Variants in RBPJ observed in about 807,000 individuals in gnomAD.
RBPJ encodes the protein recombination signal binding protein for immunoglobulin kappa J region.
Under a neutral mutation model 67.8 loss-of-function variants are expected in RBPJ, and 9 were observed. The ratio of observed to expected loss-of-function variants is 0.13; its 90% CI spans 0.08 to 0.23. RBPJ has a LOEUF of 0.23. Among genes scored for constraint, RBPJ ranks in the 10% least tolerant of loss-of-function variants. The probability of loss-of-function intolerance (pLI) is 1.00; values close to 1 mark genes in which losing one functional copy is unlikely to be tolerated. For missense variants in RBPJ, 305 were observed against 595.6 expected (o/e 0.51, Z 5.08); for synonymous variants, 198 against 203.3 (o/e 0.97, Z 0.22).
At chr4:26,260,936 C>A (rs1720509311) in intron 1 of RBPJ, among the ~76,000 whole-genome samples, 1 of 152,078 alleles carries the variant, frequency 6.6e-6, no homozygotes, top group South Asian at 2.1e-4. Context: ...TTTAAGAAAC[C>A]ATAAGTTTTT....
chr4:26,311,534 G>C (rs1722426819), intron 1 of RBPJ, among the ~76,000 whole-genome samples: 1 of 149,304 alleles, frequency 6.7e-6, no homozygotes, highest in Non-Finnish European at 1.5e-5. Flanking sequence ...GAGAGACTCG[G>C]TCTCAAAAAA....
intron 1 of RBPJ, among the ~76,000 whole-genome samples, chr4:26,326,877 G>A (rs1723679339): frequency 6.6e-6 from 1 of 152,142 alleles, no homozygotes; most frequent in South Asian, 2.1e-4. Context: ...TTTTAGGAAG[G>A]CAGCAATGTA....
At chr4:26,175,953 G>T (rs1716781344) in intron 1 of RBPJ, among the ~76,000 whole-genome samples, 1 of 152,194 alleles carries the variant, frequency 6.6e-6, no homozygotes, top group Non-Finnish European at 1.5e-5. Flanking sequence ...AAGAGGGAAA[G>T]GTGTGGAGAA....
intron 3 of RBPJ, among the ~76,000 whole-genome samples, chr4:26,410,889 C>T (rs1333588945): frequency 6.6e-6 from 1 of 152,142 alleles, no homozygotes; most frequent in Non-Finnish European, 1.5e-5. Context: ...GTGCATATCG[C>T]CACCAAGTGG....
chr4:26,136,945 C>T, the RBPJ span, among the ~76,000 whole-genome samples: 3 of 152,174 alleles, frequency 2.0e-5, no homozygotes, highest in Non-Finnish European at 4.4e-5. Context: ...CTTTGTACCA[C>T]GTAAACATCT....
intron 1 of RBPJ, among the ~76,000 whole-genome samples, chr4:26,204,516 G>A (rs1312872051): frequency 6.6e-6 from 1 of 152,172 alleles, no homozygotes; most frequent in Non-Finnish European, 1.5e-5. Flanking sequence ...AGCGTGGGTG[G>A]CCCTTCTAGC....
the RBPJ span, among the ~76,000 whole-genome samples, chr4:26,141,450 AGGCCCGGAACGCCCAGGAAC>A: frequency 6.6e-6 from 1 of 152,264 alleles, no homozygotes; most frequent in Non-Finnish European, 1.5e-5. Flanking sequence ...GACCCAAGCC[AGGCCCGGAACGCCCAGGAAC>A]ACTTCCTACC....
the RBPJ span, among the ~76,000 whole-genome samples, chr4:26,134,843 C>A: frequency 5.3e-5 from 8 of 152,302 alleles, no homozygotes; most frequent in East Asian, 1.4e-3. Flanking sequence ...ACTGAAAGAG[C>A]TGGTCACCAG....
At chr4:26,274,956 A>G (rs1253238614) in intron 1 of RBPJ, among the ~76,000 whole-genome samples, 1 of 152,182 alleles carries the variant, frequency 6.6e-6, no homozygotes, top group Non-Finnish European at 1.5e-5. Context: ...AAAAAAGAAA[A>G]GAAAAGAAAA....
rs151077337 is a variant in RBPJ at position 26,321,965 on chromosome 4, C to A, written c.20+917C>A. On this transcript the variant is annotated intron_variant, in intron 1 of 10. Coordinates refer to ENST00000355476, the MANE Select transcript of RBPJ (RefSeq NM_015874.6). ...GGGATTTCTTGTACCCTCCCGCCCC[C>A]CTATCGCCACCCCTTTCTCTCGGGA... is the stretch of plus-strand genomic sequence containing the variant. The A allele has an allele frequency of 4.2e-3, 643 of 152,344 alleles. 2 individuals are homozygous for A. Among genetic ancestry groups the A allele is most frequent in the South Asian group, 0.035 (167 of 4,820 alleles). 9.4% of individuals were successfully genotyped at this position (152,344 alleles called of 1,614,324 possible). A position where few individuals can be genotyped will look rare whatever the true frequency, so the allele number is the denominator to read the frequency against.
chr4:26,328,601 G>C (rs1723900639), intron 1 of RBPJ, among the ~76,000 whole-genome samples: 1 of 152,196 alleles, frequency 6.6e-6, no homozygotes, highest in Admixed American at 6.5e-5. Context: ...AAGACCTTGA[G>C]TGCTAACCTG....
chr4:26,216,412 G>A (rs995264416), intron 1 of RBPJ, among the ~76,000 whole-genome samples: 11 of 152,120 alleles, frequency 7.2e-5, no homozygotes, highest in African/African-American at 1.9e-4. Context: ...TAAGCACAGT[G>A]AAGGACAGAG....
intron 1 of RBPJ, among the ~76,000 whole-genome samples, chr4:26,270,441 A>AAAGAAAGAAAGAAAGAAAGAAGG (rs1577375958): frequency 1.7e-5 from 2 of 116,312 alleles, no homozygotes; most frequent in African/African-American, 6.9e-5. Flanking sequence ...AAGAAAGAAG[A>AAAGAAAGAAAGAAAGAAAGAAGG]AAGAAAGAAA....
intron 1 of RBPJ, among the ~76,000 whole-genome samples, chr4:26,344,495 A>G (rs955375460): frequency 3.3e-5 from 5 of 152,132 alleles, no homozygotes; most frequent in African/African-American, 1.2e-4. Flanking sequence ...TCAGCCTCCC[A>G]AAGTGCTGGG....
intron 1 of RBPJ, among the ~76,000 whole-genome samples, chr4:26,235,880 C>T (rs918607052): frequency 6.6e-6 from 1 of 152,198 alleles, no homozygotes; most frequent in East Asian, 1.9e-4. Flanking sequence ...TTCCTCACCA[C>T]CAAAGTGAAG....
chr4:26,304,827 G>A (rs1167880333), intron 1 of RBPJ, among the ~76,000 whole-genome samples: 5 of 149,180 alleles, frequency 3.4e-5, no homozygotes, highest in Non-Finnish European at 5.9e-5. Context: ...GTCCTTTGAA[G>A]CACAAAAGTT....
intron 1 of RBPJ, among the ~76,000 whole-genome samples, chr4:26,165,665 C>T (rs7658482): frequency 6.6e-6 from 1 of 151,524 alleles, no homozygotes; most frequent in Non-Finnish European, 1.5e-5. Context: ...TGAAGTAAAG[C>T]TATTTTAAGG....
At chr4:26,165,538 C>T (rs1446845424) in intron 1 of RBPJ, among the ~76,000 whole-genome samples, 1 of 151,962 alleles carries the variant, frequency 6.6e-6, no homozygotes. Flanking sequence ...TAAAATGATT[C>T]TAGGATATAT....
chr4:26,401,712 A>T (rs1258406645), intron 2 of RBPJ, among the ~76,000 whole-genome samples: 1 of 152,160 alleles, frequency 6.6e-6, no homozygotes, highest in Non-Finnish European at 1.5e-5. Context: ...CTGCTAAATG[A>T]TGTAATAGAG....
Sources: gnomAD v4.1 joint callset for allele counts (sites outside exome capture counted in the v4.1 genomes callset) on GRCh38, gnomAD v4.1.1 for gene constraint, MANE v1.5 for transcripts, NCBI Gene and HGNC (gene_info 2026-07-23, HGNC 2026-07-21) for gene names.